The following IDO2 variants were observed in gnomAD, a reference collection of about 807,000 sequenced individuals.
IDO2 encodes the protein indoleamine 2,3-dioxygenase-like 1 protein.
A neutral mutation model predicts 45.1 loss-of-function variants in IDO2; 46 were observed. The observed-to-expected ratio is 1.02, with a 90% CI of 0.80 to 1.30. The LOEUF is 1.30. Among genes scored for constraint, IDO2 ranks in the 50% most tolerant of loss-of-function variants. The pLI, the probability that IDO2 is intolerant of heterozygous loss-of-function variation, is 0.00. For synonymous variants in IDO2, 218 were observed against 184.9 expected (o/e 1.18, Z -1.45); for missense variants, 544 against 491.8 (o/e 1.11, Z -1.00).
At position 39,985,238 on chromosome 8, in the gene IDO2, A is replaced by G. The variant is rs1221499132; in HGVS notation, c.435-270A>G. 8.0e-6 allele frequency: 4 copies of G among 498,576 alleles called. No individual in the cohort carries two copies. The East Asian group carries it at 1.4e-4, about 17-fold the overall frequency. The allele number at this position is 498,576 out of a possible 1,614,324, so 30.9% of individuals were successfully genotyped here. A position where few individuals can be genotyped will look rare whatever the true frequency, so the allele number is the denominator to read the frequency against. On this transcript the variant is annotated intron_variant, in intron 5 of 10. Transcript: ENST00000502986. ...GCCACTGTGCCCAGCCTAATAATAT[A>G]TTAAGATGGCCACAGGCCAAATATT... is the stretch of plus-strand genomic sequence containing the variant.
At chr8:39,950,001 C>T (rs1208488524) in intron 2 of IDO2, among the ~76,000 whole-genome samples, 1 of 152,084 alleles carries the variant, frequency 6.6e-6, no homozygotes, top group Admixed American at 6.6e-5. Context: ...TTTTTCTCAT[C>T]TGGTGTGGTC....
At chr8:40,015,941 G>T in exon 11 of IDO2, 1 of 363,062 alleles carries the variant, frequency 2.8e-6, no homozygotes, top group Non-Finnish European at 4.9e-6. Flanking sequence ...AATTGCCTGG[G>T]GATACATTAC....
At chr8:39,986,322 G>C (rs974484728) in intron 6 of IDO2, 5 of 152,258 alleles carry the variant, frequency 3.3e-5, no homozygotes, top group Non-Finnish European at 7.3e-5. Context: ...CTCTGATCCA[G>C]TGTTGCCTCT....
chr8:39,936,188 T>C (rs1466208588), intron 1 of IDO2, among the ~76,000 whole-genome samples: 1 of 152,224 alleles, frequency 6.6e-6, no homozygotes, highest in Non-Finnish European at 1.5e-5. Context: ...GATCTGGCTC[T>C]ATTTTACAAG....
intron 9 of IDO2, among the ~76,000 whole-genome samples, chr8:40,011,950 T>C (rs1802316214): frequency 6.6e-6 from 1 of 152,210 alleles, no homozygotes; most frequent in Non-Finnish European, 1.5e-5. Flanking sequence ...CTGCTTTCTG[T>C]ACCGCATCTC....
chr8:39,999,494 G>C (rs1367710886), intron 8 of IDO2, among the ~76,000 whole-genome samples: 1 of 152,030 alleles, frequency 6.6e-6, no homozygotes. Flanking sequence ...GGCCAGGCTG[G>C]TCTCAAACTC....
In IDO2 at chr8:39,991,200, C is replaced by T. The variant is rs1808491914; in HGVS notation, c.667+1362C>T. ...TCACAGGATTAGGTATTATCCACTT[C>T]CTGGTTTTATAGTTTATATTTGTAT... is the stretch of plus-strand genomic sequence containing the variant. On this transcript the variant is annotated intron_variant, in intron 8 of 10. Transcript: ENST00000502986. Among the ~76,000 whole-genome samples, 3 of 152,280 alleles carry T rather than the reference C, an allele frequency of 2.0e-5. No homozygotes were observed. The South Asian group carries it at 6.2e-4, about 32-fold the overall frequency.
chr8:40,000,715 G>A (rs1330494414), intron 8 of IDO2, among the ~76,000 whole-genome samples: 1 of 152,092 alleles, frequency 6.6e-6, no homozygotes, highest in African/African-American at 2.4e-5. Context: ...ACATATTTCA[G>A]GTTTTCTGTA....
At position 39,950,243 on chromosome 8, in the gene IDO2, G is replaced by A. The variant is rs72643930; in HGVS notation, c.99+979G>A. On this transcript the variant is annotated intron_variant, in intron 2 of 10. Coordinates refer to ENST00000502986, the Ensembl canonical transcript of IDO2. Reference sequence around the variant, plus strand: ...AGGCCACTCAGTTAAAAATCGTGGGGTCCAGGCCAGGTGCAGTGGCTCACG... The same window carrying A: ...AGGCCACTCAGTTAAAAATCGTGGGATCCAGGCCAGGTGCAGTGGCTCACG... 2.5e-3 allele frequency among the ~76,000 whole-genome samples: 379 copies of A among 152,202 alleles called. 1 individual carries two copies. Among genetic ancestry groups the A allele is most frequent in the Middle Eastern group, 0.014 (4 of 294 alleles).
At chr8:39,941,465 A>T (rs1807642105) in intron 1 of IDO2, among the ~76,000 whole-genome samples, 1 of 152,194 alleles carries the variant, frequency 6.6e-6, no homozygotes, top group Admixed American at 6.5e-5. Flanking sequence ...GATTTTGGAC[A>T]TAATGCCAGG....
At chr8:39,976,137 A>G (rs1269528135) in intron 3 of IDO2, among the ~76,000 whole-genome samples, 2 of 151,920 alleles carry the variant, frequency 1.3e-5, no homozygotes, top group Non-Finnish European at 2.9e-5. Flanking sequence ...GCACCACCAC[A>G]CCTGGCTAAT....
chr8:39,981,801 G>A (rs1260423171), intron 4 of IDO2, among the ~76,000 whole-genome samples: 2 of 152,158 alleles, frequency 1.3e-5, no homozygotes, highest in Admixed American at 6.5e-5. Context: ...AGATGGAAGA[G>A]GGGGCACAAG....
At chr8:39,985,321 G>A (rs1322679482) in intron 5 of IDO2, 187 bp from the exon 6 acceptor site, 1 of 611,730 alleles carries the variant, frequency 1.6e-6, no homozygotes, top group Non-Finnish European at 2.9e-6. Flanking sequence ...GCACCCCATA[G>A]TCCAGCCACA....
chr8:39,963,472 A>G, intron 2 of IDO2, 136 bp from the exon 3 acceptor site: 1 of 611,356 alleles, frequency 1.6e-6, no homozygotes, highest in Non-Finnish European at 2.9e-6. Context: ...CCTAACTAGC[A>G]TATGGTGCAT....
chr8:39,987,883 C>G (rs540070994), exon 7 of IDO2: 2 of 1,607,254 alleles, frequency 1.2e-6, no homozygotes, highest in Non-Finnish European at 1.7e-6. Flanking sequence ...ACCTGGAGAC[C>G]ATCATCTCAT....
rs369038518 is a variant in IDO2, at chr8:39,987,753, G to A, written c.450-118G>A. ...ATCCTCAGGGCTGTCTTACGGAGAG[G>A]AGAAAGTTGTGCAGTGATTCCACCC... On this transcript the variant is annotated intron_variant, in intron 6 of 10. Coordinates refer to ENST00000502986, the Ensembl canonical transcript of IDO2. 1.6e-4 allele frequency: 100 copies of A among 633,306 alleles called. 2 individuals carry two copies. The South Asian group carries it at 1.9e-3, about 12-fold the overall frequency. 39.2% of individuals were successfully genotyped at this position (633,306 alleles called of 1,614,324 possible).
chr8:39,995,323 C>T (rs561189017), intron 8 of IDO2: 1 of 149,272 alleles, frequency 6.7e-6, no homozygotes, highest in African/African-American at 2.5e-5. Flanking sequence ...CTCTGTTGCC[C>T]AGGCTGGAGT....
intron 1 of IDO2, among the ~76,000 whole-genome samples, chr8:39,944,123 G>T (rs1807695869): frequency 6.6e-6 from 1 of 152,190 alleles, no homozygotes; most frequent in Admixed American, 6.5e-5. Flanking sequence ...TAGAGAAAGG[G>T]AGGAAGGAGA....
At chr8:39,994,647 A>C (rs906939453) in intron 8 of IDO2, among the ~76,000 whole-genome samples, 2 of 151,912 alleles carry the variant, frequency 1.3e-5, no homozygotes, top group East Asian at 3.9e-4. Flanking sequence ...TGGCAGAGTA[A>C]ATGTCTCGGT....
Sources: gnomAD v4.1 joint callset for allele counts (sites outside exome capture counted in the v4.1 genomes callset) on GRCh38, gnomAD v4.1.1 for gene constraint, MANE v1.5 for transcripts, NCBI Gene and HGNC (gene_info 2026-07-23, HGNC 2026-07-21) for gene names.